Variants in MGME1 observed in about 807,000 individuals in gnomAD.
The protein encoded by MGME1 is mitochondrial genome maintenance exonuclease 1.
A neutral mutation model predicts 33.0 loss-of-function variants in MGME1; 22 were observed. The ratio of observed to expected loss-of-function variants is 0.67; its 90% CI spans 0.48 to 0.95. MGME1 has a LOEUF of 0.95. Ranked by LOEUF, MGME1 falls within the 40% of genes least tolerant of loss-of-function variation. The pLI is 0.00. For synonymous variants in MGME1, 133 were observed against 144.0 expected (o/e 0.92, Z 0.55); for missense variants, 383 against 397.8 (o/e 0.96, Z 0.32).
intron 2 of MGME1, among the ~76,000 whole-genome samples, chr20:17,972,529 G>GT (rs1268122393): frequency 7.3e-5 from 11 of 150,806 alleles, no homozygotes; most frequent in South Asian, 2.1e-4. Flanking sequence ...ATGCATGAAG[G>GT]TTTTTTTTAG....
At chr20:17,978,226 C>A (rs754414002) in intron 3 of MGME1, among the ~76,000 whole-genome samples, 3 of 152,068 alleles carry the variant, frequency 2.0e-5, no homozygotes, top group African/African-American at 7.2e-5. Flanking sequence ...ATTTTTGAGA[C>A]GGAGTTTCAC....
At position 17,990,308 on chromosome 20, in the gene MGME1, C is replaced by A. The variant is rs1052651005; in HGVS notation, c.*199C>A. The A allele has an allele frequency of 9.8e-6, 6 of 609,794 alleles. No individual in the cohort carries two copies. In the African/African-American group the frequency reaches 1.1e-4, roughly 11 times the overall value. The allele number at this position is 609,794 out of a possible 1,614,324, so 37.8% of individuals were successfully genotyped here. A position where few individuals can be genotyped will look rare whatever the true frequency, so the allele number is the denominator to read the frequency against. The stretch of plus-strand genomic sequence containing the variant: ...AGTCTAGATATAAAGACCTAGACTT[C>A]GGCACGCGAAATCCCAGCTATGCTA... On this transcript the variant is annotated 3_prime_UTR_variant, in exon 5 of 5. Transcript: ENST00000377710.
chr20:17,988,154 G>T lies in MGME1; in HGVS notation c.732-12G>T. On this transcript the variant is annotated splice_polypyrimidine_tract_variant and intron_variant, in intron 3 of 4. Coordinates refer to ENST00000377710, the MANE Select transcript of MGME1 (RefSeq NM_052865.4). ...CTATTACCTACAAAGTCTTCCTGTG[G>T]TTTCTCTTTAGGGGCAAGCTCTGTG... 7 of 1,605,278 alleles carry T rather than the reference G, an allele frequency of 4.4e-6. No homozygotes were observed. Among genetic ancestry groups the T allele is most frequent in the Non-Finnish European group, 5.9e-6 (7 of 1,176,724 alleles).
chr20:17,983,382 C>T (rs191279241), intron 3 of MGME1, among the ~76,000 whole-genome samples: 1 of 151,746 alleles, frequency 6.6e-6, no homozygotes, highest in East Asian at 1.9e-4. Flanking sequence ...AATAATGCTT[C>T]AGTGAACCTG....
chr20:17,983,308 C>G (rs1025023054), intron 3 of MGME1, among the ~76,000 whole-genome samples: 1 of 81,264 alleles, frequency 1.2e-5, no homozygotes, highest in African/African-American at 5.3e-5. Flanking sequence ...TGTGTATCCA[C>G]ATTTTCTTTA....
chr20:17,969,271 T>A (rs949077847), intron 1 of MGME1, 130 bp downstream of exon 1: 1 of 152,324 alleles, frequency 6.6e-6, no homozygotes, highest in Non-Finnish European at 1.5e-5. Context: ...GGGAGGCGAC[T>A]TTTTGCGGTC....
chr20:17,975,949 G>A (rs1173387589), intron 3 of MGME1, 46 bp downstream of exon 3: 11 of 1,459,248 alleles, frequency 7.5e-6, no homozygotes, highest in Non-Finnish European at 1.1e-5. Context: ...AGGACAGATG[G>A]TGCCTGTCAA....
At chr20:17,985,654 C>T (rs1047109220) in intron 3 of MGME1, among the ~76,000 whole-genome samples, 1 of 152,164 alleles carries the variant, frequency 6.6e-6, no homozygotes, top group Non-Finnish European at 1.5e-5. Context: ...GTGGTAGGTG[C>T]CCTATACAAG....
At chr20:17,979,954 ACTC>A (rs2035966234) in intron 3 of MGME1, among the ~76,000 whole-genome samples, 1 of 150,846 alleles carries the variant, frequency 6.6e-6, no homozygotes, top group South Asian at 2.1e-4. Context: ...CTGGTCTTGA[ACTC>A]CTGGGCTCAA....
intron 3 of MGME1, among the ~76,000 whole-genome samples, chr20:17,980,828 TTTA>T (rs1261981541): frequency 1.3e-5 from 2 of 151,974 alleles, no homozygotes; most frequent in Non-Finnish European, 2.9e-5. Flanking sequence ...AAAAAAATCT[TTTA>T]TTAGTTTATA....
At chr20:17,971,457 A>G (rs886814292) in intron 2 of MGME1, among the ~76,000 whole-genome samples, 1 of 152,212 alleles carries the variant, frequency 6.6e-6, no homozygotes, top group Non-Finnish European at 1.5e-5. Context: ...ACAGTTTTGT[A>G]TTTGTACCAC....
chr20:17,972,077 G>T (rs1185611888), intron 2 of MGME1, among the ~76,000 whole-genome samples: 1 of 152,036 alleles, frequency 6.6e-6, no homozygotes, highest in Non-Finnish European at 1.5e-5. Flanking sequence ...GTAAGCAGTG[G>T]GTTCTGAAAT....
chr20:17,990,086 C>A lies in MGME1; in HGVS notation c.1012C>A (p.Gln338Lys). ...YTEKKKNQNIQKPEYSE is the reference protein window; with the variant it reads ...YTEKKKNQNIKKPEYSE ...GGAAAAGAAAAAGAACCAGAATATTCAGAAACCAGAATATTCAGAATAGGG... is the reference window on the plus strand; with the variant it reads ...GGAAAAGAAAAAGAACCAGAATATTAAGAAACCAGAATATTCAGAATAGGG... The change falls in exon 5 of 5, where the codon CAG becomes AAG. Residue 338 changes from glutamine (Q) to lysine (K), a missense_variant. Transcript: ENST00000377710. 1 of 1,614,050 alleles carries A rather than the reference C, an allele frequency of 6.2e-7. No homozygotes were observed. Among genetic ancestry groups the A allele is most frequent in the Non-Finnish European group, 8.5e-7 (1 of 1,179,954 alleles).
At position 17,969,040 on chromosome 20, in the gene MGME1, G is replaced by C. The variant is rs1242633939; in HGVS notation, c.-161G>C. The C allele has an allele frequency of 1.3e-5, 2 of 152,732 alleles. No individual in the cohort carries two copies. The highest frequency in any genetic ancestry group is 3.8e-4 in the East Asian group (2 of 5,198). The allele number at this position is 152,732 out of a possible 1,614,324, so 9.5% of individuals were successfully genotyped here. A position where few individuals can be genotyped will look rare whatever the true frequency, so the allele number is the denominator to read the frequency against. On this transcript the variant is annotated 5_prime_UTR_variant, in exon 1 of 5. Coordinates refer to ENST00000377710, the MANE Select transcript of MGME1 (RefSeq NM_052865.4). ...GGCATTCTGGACCTGCTTTGCCTTA[G>C]GCTGTGCCTAATTCGAAACCAAAGC...
At chr20:17,976,644 GTTGTT>G (rs920710248) in intron 3 of MGME1, among the ~76,000 whole-genome samples, 2 of 152,000 alleles carry the variant, frequency 1.3e-5, no homozygotes, top group African/African-American at 4.8e-5. Flanking sequence ...GCTTCCCATG[GTTGTT>G]TTGTTTTGTT....
chr20:17,985,235 C>A (rs1459515454), intron 3 of MGME1, among the ~76,000 whole-genome samples: 1 of 151,808 alleles, frequency 6.6e-6, no homozygotes, highest in Non-Finnish European at 1.5e-5. Flanking sequence ...ACCAGCCTGG[C>A]CAAAATGGCA....
At chr20:17,974,018 A>G (rs541394816) in intron 2 of MGME1, among the ~76,000 whole-genome samples, 1 of 151,580 alleles carries the variant, frequency 6.6e-6, no homozygotes, top group South Asian at 2.1e-4. Flanking sequence ...CTTACTAAGA[A>G]ACAAGTGAAT....
chr20:17,968,808 G>GT (rs2035626793), upstream of MGME1: 1 of 256,544 alleles, frequency 3.9e-6, no homozygotes, highest in Non-Finnish European at 7.6e-6. Context: ...GCGTTTCGGT[G>GT]CGGGGGGAAT....
In MGME1 at chr20:17,990,472, G is replaced by C; in HGVS notation, c.*363G>C. 2.8e-6 allele frequency: 1 copy of C among 359,620 alleles called. No homozygotes were observed. The highest frequency in any genetic ancestry group is 4.5e-5 in the Admixed American group (1 of 22,142). 22.3% of individuals were successfully genotyped at this position (359,620 alleles called of 1,614,324 possible). On this transcript the variant is annotated 3_prime_UTR_variant, in exon 5 of 5. Transcript: ENST00000377710. Reference sequence around the variant, plus strand: ...GTCTTTGAGCTGAGATTGGAAGGCAGTGAGGCTGAGGGTGCCAAGATTTCC... The same window carrying C: ...GTCTTTGAGCTGAGATTGGAAGGCACTGAGGCTGAGGGTGCCAAGATTTCC...
Sources: allele counts gnomAD v4.1 joint callset (sites outside exome capture counted in the v4.1 genomes callset), GRCh38; gene constraint gnomAD v4.1.1; transcripts MANE v1.5; gene names NCBI Gene and HGNC (gene_info 2026-07-23, HGNC 2026-07-21).